Variants in PAPSS1 observed in about 807,000 individuals in gnomAD.
The protein encoded by PAPSS1 is 3'-phosphoadenosine 5'-phosphosulfate synthase 1.
In PAPSS1, 50 loss-of-function variants were observed where a neutral mutation model predicts 72.0. The observed-to-expected ratio is 0.69, with a 90% CI of 0.55 to 0.88. The LOEUF is 0.88. PAPSS1 is among the 40% of genes least tolerant of loss of function. PAPSS1 has a pLI of 0.00. For missense variants in PAPSS1, 657 were observed against 782.2 expected, an observed-to-expected ratio of 0.84 and a Z score of 1.91; for synonymous variants, 261 against 263.6, an observed-to-expected ratio of 0.99 and a Z score of 0.09.
chr4:107,654,577 C>T (rs1159818398), intron 8 of PAPSS1, 118 bp downstream of exon 8: 2 of 806,464 alleles, frequency 2.5e-6, no homozygotes, highest in East Asian at 2.4e-5. Flanking sequence ...AAGGTCCAAT[C>T]TCTACTATGC....
intron 2 of PAPSS1, among the ~76,000 whole-genome samples, chr4:107,695,922 A>C (rs1054174314): frequency 6.6e-6 from 1 of 152,234 alleles, no homozygotes; most frequent in East Asian, 1.9e-4. Flanking sequence ...GGATATGAAC[A>C]GACACTTCTC....
chr4:107,656,927 C>A lies in PAPSS1; in HGVS notation c.864G>T (p.Leu288Phe), dbSNP rs754874276. 3 of 1,613,068 alleles carry A rather than the reference C, an allele frequency of 1.9e-6. No homozygotes were observed. The highest frequency in any genetic ancestry group is 2.5e-6 in the Non-Finnish European group (3 of 1,179,040). Residue 288 changes from leucine (L) to phenylalanine (F), a missense_variant, in exon 7 of 12, where the codon TTG becomes TTT. Around this residue, in one of 7 missense-constraint regions of PAPSS1, gnomAD observed 190 missense variants for 176.7 expected, o/e 1.07. Transcript: ENST00000265174. ...GAAGACAATCAAAATGAAGGCACTG[C>A]AAGTACTCCCTCTCTCTCATAAAGC... is the stretch of plus-strand genomic sequence containing the variant. ...LNGFMREREYLQCLHFDCLLD... is the reference protein window; with the variant it reads ...LNGFMREREYFQCLHFDCLLD...
intron 11 of PAPSS1, among the ~76,000 whole-genome samples, chr4:107,615,040 A>G (rs1398673624): frequency 1.3e-5 from 2 of 151,854 alleles, no homozygotes; most frequent in Non-Finnish European, 1.5e-5. Flanking sequence ...AAGAAGTTTC[A>G]ATCTGAAAGG....
chr4:107,667,220 C>T (rs550659165), intron 5 of PAPSS1, among the ~76,000 whole-genome samples: 3 of 152,244 alleles, frequency 2.0e-5, no homozygotes, highest in South Asian at 4.1e-4. Context: ...GGTGAGCACA[C>T]GGAGGTACTG....
intron 6 of PAPSS1, among the ~76,000 whole-genome samples, chr4:107,657,333 T>G (rs1196126064): frequency 6.6e-6 from 1 of 152,218 alleles, no homozygotes; most frequent in African/African-American, 2.4e-5. Flanking sequence ...GTCAGTTTGC[T>G]GTGGGGCCCA....
intron 5 of PAPSS1, among the ~76,000 whole-genome samples, chr4:107,677,460 G>C (rs965321049): frequency 3.9e-5 from 6 of 152,202 alleles, no homozygotes; most frequent in African/African-American, 1.4e-4. Context: ...GGCCATCAGA[G>C]AAATGCAAAT....
At chr4:107,685,977 T>G (rs1241288067) in intron 4 of PAPSS1, among the ~76,000 whole-genome samples, 1 of 152,166 alleles carries the variant, frequency 6.6e-6, no homozygotes, top group Non-Finnish European at 1.5e-5. Flanking sequence ...TAGTTAGTTT[T>G]TTTGTTTGTT....
rs138002511 is a variant in PAPSS1, at chr4:107,654,622, C to T, written c.1101+73G>A. On this transcript the variant is annotated intron_variant, in intron 8 of 11. Coordinates refer to ENST00000265174, the MANE Select transcript of PAPSS1 (RefSeq NM_005443.5). ...ACAATTCCAATGAAAAGTCAATACA[C>T]AGAAAATGCCCACATTTCAGCACAA... The T allele has an allele frequency of 1.0e-4, 126 of 1,213,076 alleles. 1 individual carries two copies. In the East Asian group the frequency reaches 2.7e-3, roughly 26 times the overall value. The allele number at this position is 1,213,076 out of a possible 1,614,324, so 75.1% of individuals were successfully genotyped here.
chr4:107,634,923 G>T (rs1018200083), intron 10 of PAPSS1, among the ~76,000 whole-genome samples: 1 of 148,926 alleles, frequency 6.7e-6, no homozygotes, highest in Non-Finnish European at 1.5e-5. Context: ...TCAGTCTCCC[G>T]AGTAGCTGGG....
intron 5 of PAPSS1, among the ~76,000 whole-genome samples, chr4:107,680,950 A>G (rs1212211872): frequency 6.6e-6 from 1 of 152,200 alleles, no homozygotes; most frequent in East Asian, 1.9e-4. Context: ...ATTCAGCTAC[A>G]ATGTTTGGAT....
At chr4:107,687,002 C>A in intron 4 of PAPSS1, 37 bp downstream of exon 4, 1 of 1,579,472 alleles carries the variant, frequency 6.3e-7, no homozygotes, top group Non-Finnish European at 8.6e-7. Context: ...CATAAAATAT[C>A]TAAGCAAAGT....
chr4:107,685,525 T>A (rs796643745), intron 4 of PAPSS1, among the ~76,000 whole-genome samples: 1 of 152,210 alleles, frequency 6.6e-6, no homozygotes, highest in African/African-American at 2.4e-5. Flanking sequence ...GAGAGTAATA[T>A]GGGAGCTGAA....
intron 11 of PAPSS1, among the ~76,000 whole-genome samples, chr4:107,616,710 G>T (rs181965637): frequency 1.5e-3 from 229 of 152,282 alleles, no homozygotes; most frequent in African/African-American, 5.0e-3. Context: ...TTATTCAAAT[G>T]TAACAAATTA....
chr4:107,656,006 T>C (rs1726996928), intron 7 of PAPSS1, among the ~76,000 whole-genome samples: 1 of 152,224 alleles, frequency 6.6e-6, no homozygotes, highest in Non-Finnish European at 1.5e-5. Flanking sequence ...TTCTGTGACA[T>C]TTAAAAATAT....
At chr4:107,673,520 TAAAA>T (rs1433451245) in intron 5 of PAPSS1, among the ~76,000 whole-genome samples, 2 of 151,874 alleles carry the variant, frequency 1.3e-5, no homozygotes, top group Non-Finnish European at 2.9e-5. Context: ...AAAAAAAGAA[TAAAA>T]AGAAATGAAC....
intron 6 of PAPSS1, 44 bp downstream of exon 6, chr4:107,659,915 T>A (rs1333903951): frequency 9.5e-7 from 1 of 1,056,590 alleles, no homozygotes; most frequent in Non-Finnish European, 1.5e-6. Flanking sequence ...AACTACTGTA[T>A]ATAAGGCTGT....
At chr4:107,716,082 C>T (rs754490679) in intron 1 of PAPSS1, among the ~76,000 whole-genome samples, 12 of 152,122 alleles carry the variant, frequency 7.9e-5, no homozygotes, top group South Asian at 2.1e-4. Context: ...TCAGAGCTAC[C>T]GAGCTACTTT....
At chr4:107,706,854 C>G (rs919955399) in intron 1 of PAPSS1, among the ~76,000 whole-genome samples, 1 of 152,212 alleles carries the variant, frequency 6.6e-6, no homozygotes, top group Non-Finnish European at 1.5e-5. Flanking sequence ...CTCAGGGAGG[C>G]TGGCCTGGTA....
chr4:107,619,532 A>G (rs1725903916), intron 11 of PAPSS1, among the ~76,000 whole-genome samples: 1 of 152,204 alleles, frequency 6.6e-6, no homozygotes, highest in African/African-American at 2.4e-5. Context: ...TTTCACAAGT[A>G]CATCTTCAAA....
Sources: gnomAD v4.1 joint callset for allele counts (sites outside exome capture counted in the v4.1 genomes callset) on GRCh38, gnomAD v4.1.1 for gene constraint, gnomAD v4.1.1 regional missense constraint, MANE v1.5 for transcripts, NCBI Gene and HGNC (gene_info 2026-07-23, HGNC 2026-07-21) for gene names.